KAT7: variants seen among roughly 807,000 people sequenced by gnomAD.
KAT7 encodes the protein lysine acetyltransferase 7, also known as histone acetyltransferase KAT7.
KAT7 carries 10 observed loss-of-function variants against 82.1 expected under a neutral mutation model. The observed-to-expected ratio is 0.12, with a 90% CI of 0.08 to 0.21. The LOEUF is 0.21. Among genes scored for constraint, KAT7 ranks in the 10% least tolerant of loss-of-function variants. KAT7 has a pLI of 1.00. For synonymous variants in KAT7, 250 were observed against 262.5 expected (o/e 0.95, Z 0.46); for missense variants, 378 against 760.9 (o/e 0.50, Z 5.92).
intron 7 of KAT7, among the ~76,000 whole-genome samples, chr17:49,811,847 T>G (rs1015264150): frequency 1.3e-5 from 2 of 152,204 alleles, no homozygotes; most frequent in African/African-American, 4.8e-5. Flanking sequence ...ACTTTCATCT[T>G]AAAGGGTTAA....
chr17:49,818,183 G>T (rs1269455064), intron 9 of KAT7, among the ~76,000 whole-genome samples, 172 bp downstream of exon 9: 2 of 152,190 alleles, frequency 1.3e-5, no homozygotes, highest in African/African-American at 4.8e-5. Flanking sequence ...TAGAGCCTGA[G>T]GTATGGCTTG....
chr17:49,791,251 C>CT (rs2073884490), intron 1 of KAT7, among the ~76,000 whole-genome samples: 1 of 152,228 alleles, frequency 6.6e-6, no homozygotes, highest in Non-Finnish European at 1.5e-5. Flanking sequence ...AAAAGCTACT[C>CT]TAAGTTAAAT....
chr17:49,826,751 T>G lies in KAT7; in HGVS notation c.1686T>G (p.Leu562=). Residue 562 remains leucine (L), a synonymous_variant, in exon 14 of 15, where the codon CTT becomes CTG. Transcript: ENST00000259021. ...PVDIVSTLQA[L]QMLKYWKGKH... is the part of the protein sequence containing the mutation. ...ACATTGTCAGCACTCTGCAAGCCCT[T>G]CAGATGCTCAAATACTGGAAGGGAA... 6.2e-7 allele frequency: 1 copy of G among 1,612,540 alleles called. No homozygotes were observed. The highest frequency in any genetic ancestry group is 8.5e-7 in the Non-Finnish European group (1 of 1,179,574).
At chr17:49,798,810 A>T (rs2073987946) in intron 4 of KAT7, among the ~76,000 whole-genome samples, 1 of 152,212 alleles carries the variant, frequency 6.6e-6, no homozygotes, top group Non-Finnish European at 1.5e-5. Context: ...TTCCCAGTGA[A>T]AAATTCCCTC....
rs1372177680 is a variant in KAT7, at chr17:49,799,065, G to A, written c.580+507G>A. Among the ~76,000 whole-genome samples the A allele has an allele frequency of 2.0e-5, 3 of 152,248 alleles. No individual in the cohort carries two copies. In the South Asian group the frequency reaches 6.2e-4, roughly 32 times the overall value. ...CTTGCTTTGTGTACTTAGTAAGTAT[G>A]AACAAGATAAAATATTTCTTCTGTG... On this transcript the variant is annotated intron_variant, in intron 4 of 14. Transcript: ENST00000259021.
chr17:49,801,247 C>T (rs1386686256), intron 4 of KAT7, among the ~76,000 whole-genome samples: 1 of 152,102 alleles, frequency 6.6e-6, no homozygotes, highest in Non-Finnish European at 1.5e-5. Flanking sequence ...AGTACAGTGG[C>T]GTGGTCACTC....
At chr17:49,797,034 T>G (rs530011485) in intron 3 of KAT7, 108 bp downstream of exon 3, 1 of 827,614 alleles carries the variant, frequency 1.2e-6, no homozygotes, top group South Asian at 1.8e-5. Context: ...TTCAGCTAGA[T>G]GAATGCTGTT....
intron 4 of KAT7, among the ~76,000 whole-genome samples, chr17:49,804,118 G>T (rs1039957757): frequency 3.3e-5 from 5 of 152,060 alleles, no homozygotes; most frequent in Admixed American, 3.3e-4. Context: ...GGTGGCTCAC[G>T]CCTGTAATCC....
chr17:49,801,179 G>A (rs982305307), intron 4 of KAT7, among the ~76,000 whole-genome samples: 1 of 152,172 alleles, frequency 6.6e-6, no homozygotes, highest in Non-Finnish European at 1.5e-5. Flanking sequence ...AAGTTTACTT[G>A]TATTTGTTTA....
intron 2 of KAT7, among the ~76,000 whole-genome samples, 179 bp downstream of exon 2, chr17:49,792,212 G>T (rs533593773): frequency 2.0e-5 from 3 of 152,270 alleles, no homozygotes; most frequent in East Asian, 1.9e-4. Flanking sequence ...ATGCCTCTGT[G>T]GGGGGCTACT....
Position 49,831,150 on chromosome 17 carries a change from CCTGTAGT to C in KAT7, c.*3651_*3657del, listed in dbSNP as rs1407691870. ...TAGAAAAATCAGACGTGGGCACATG[CCTGTAGT>C]CTCAGCTACTTGGGAGGCTGAGGCA... On this transcript the variant is annotated 3_prime_UTR_variant, in exon 15 of 15. Coordinates refer to ENST00000259021, the MANE Select transcript of KAT7 (RefSeq NM_007067.5). 1 of 152,226 alleles carries C rather than the reference CCTGTAGT, an allele frequency of 6.6e-6. No homozygotes were observed. Among genetic ancestry groups the C allele is most frequent in the Non-Finnish European group, 1.5e-5 (1 of 68,106 alleles). 9.4% of individuals were successfully genotyped at this position (152,226 alleles called of 1,614,324 possible). A position where few individuals can be genotyped will look rare whatever the true frequency, so the allele number is the denominator to read the frequency against.
At chr17:49,827,156 T>A (rs943923612) in intron 14 of KAT7, 70 of 489,930 alleles carry the variant, frequency 1.4e-4, no homozygotes, top group Middle Eastern at 4.9e-4. Flanking sequence ...TCTAATTTTT[T>A]AAATTATTTC....
intron 1 of KAT7, among the ~76,000 whole-genome samples, chr17:49,791,236 T>C (rs752314122): frequency 6.6e-6 from 1 of 152,224 alleles, no homozygotes; most frequent in Admixed American, 6.5e-5. Flanking sequence ...ATGGAGACAT[T>C]GAACAAAAGC....
intron 4 of KAT7, among the ~76,000 whole-genome samples, chr17:49,804,304 A>G (rs942890208): frequency 1.3e-5 from 2 of 151,920 alleles, no homozygotes; most frequent in African/African-American, 4.8e-5. Context: ...GCGTGAACCC[A>G]GGAGGCGGAA....
At chr17:49,808,968 CTCTT>C in intron 5 of KAT7, 147 bp from the exon 6 acceptor site, 1 of 603,570 alleles carries the variant, frequency 1.7e-6, no homozygotes, top group Non-Finnish European at 3.0e-6. Context: ...CTTGCATTAT[CTCTT>C]TCTTGTAGAG....
chr17:49,817,807 T>C lies in KAT7; in HGVS notation c.964-13T>C, dbSNP rs759602416. ...TTCTGATCCTCCTTTGACTTTTGAT[T>C]TCTTGGCAATAGGAGAAGTTAAGGC... On this transcript the variant is annotated splice_polypyrimidine_tract_variant and intron_variant, in intron 8 of 14. Coordinates refer to ENST00000259021, the MANE Select transcript of KAT7 (RefSeq NM_007067.5). 1 of 1,608,132 alleles carries C rather than the reference T, an allele frequency of 6.2e-7. No homozygotes were observed. The highest frequency in any genetic ancestry group is 2.2e-5 in the East Asian group (1 of 44,846).
At position 49,831,619 on chromosome 17, in the gene KAT7, A is replaced by G. The variant is rs879412716; in HGVS notation, c.*4117A>G. 1 of 152,092 alleles carries G rather than the reference A, an allele frequency of 6.6e-6. No homozygotes were observed. The highest frequency in any genetic ancestry group is 1.9e-4 in the East Asian group (1 of 5,190). The allele number at this position is 152,092 out of a possible 1,614,324, so 9.4% of individuals were successfully genotyped here. ...TGAGGTCTGGTCACCTGATGCTTCC[A>G]TGCTATTTTCCCATTTCTTATCTGG... On this transcript the variant is annotated 3_prime_UTR_variant, in exon 15 of 15. Coordinates refer to ENST00000259021, the MANE Select transcript of KAT7 (RefSeq NM_007067.5).
At chr17:49,793,195 C>G (rs2073912209) in intron 2 of KAT7, among the ~76,000 whole-genome samples, 1 of 152,226 alleles carries the variant, frequency 6.6e-6, no homozygotes. Context: ...CAAGGAGCAT[C>G]TGTAGTCTCT....
chr17:49,789,005 A>T (rs1055870343), intron 1 of KAT7, 156 bp downstream of exon 1: 2 of 597,926 alleles, frequency 3.3e-6, no homozygotes, highest in Non-Finnish European at 5.4e-6. Flanking sequence ...CAACAGAAAA[A>T]TGTGGGCCCG....
Sources: allele counts gnomAD v4.1 joint callset (sites outside exome capture counted in the v4.1 genomes callset), GRCh38; gene constraint gnomAD v4.1.1; transcripts MANE v1.5; gene names NCBI Gene and HGNC (gene_info 2026-07-23, HGNC 2026-07-21).